Variants in VPS13B observed in about 807,000 individuals in gnomAD.
The protein encoded by VPS13B is vacuolar protein sorting 13 homolog B.
Under a neutral mutation model 426.4 loss-of-function variants are expected in VPS13B, and 285 were observed. The ratio of observed to expected loss-of-function variants is 0.67; its 90% CI spans 0.61 to 0.74. The LOEUF (loss-of-function observed/expected upper bound fraction) is 0.74, where lower values mean the gene tolerates loss of function less well. Ranked by LOEUF, VPS13B falls within the 30% of genes least tolerant of loss-of-function variation. The probability of loss-of-function intolerance (pLI) is 0.00; values close to 1 mark genes in which losing one functional copy is unlikely to be tolerated. For synonymous variants in VPS13B, 1,676 were observed against 1,676.4 expected (o/e 1.00, Z 0.01); for missense variants, 4,537 against 4,782.6 (o/e 0.95, Z 1.51).
In VPS13B at chr8:99,835,587, C is replaced by T. The variant is rs770901699; in HGVS notation, c.9791C>T (p.Ser3264Leu). The T allele has an allele frequency of 1.2e-6, 2 of 1,614,102 alleles. No homozygotes were observed. Among genetic ancestry groups the T allele is most frequent in the South Asian group, 2.2e-5 (2 of 91,072 alleles). Residue 3264 changes from serine to leucine, a missense_variant, in exon 54 of 62, where the codon TCA becomes TTA. Ser to Leu is a moderately radical substitution (Grantham distance 145). Coordinates refer to ENST00000357162, the MANE Select transcript of VPS13B (RefSeq NM_152564.5). Reference sequence around the variant, plus strand: ...TGCAAAAAAATTCCCTCCGAGTGCTCAATTCATCATGAGCTGTATCATCAG... The same window carrying T: ...TGCAAAAAAATTCCCTCCGAGTGCTTAATTCATCATGAGCTGTATCATCAG... ...VYCKKIPSECSIHHELYHQIS... is the reference protein window; with the variant it reads ...VYCKKIPSECLIHHELYHQIS...
Position 99,539,222 on chromosome 8 carries a change from G to A in VPS13B, c.4746-17228G>A, listed in dbSNP as rs1054560507. ...TTCACCATTAATTTGTAAATAATTGGCCTTTAAAAAATAGGTACAATAATT... is the reference window on the plus strand; with the variant it reads ...TTCACCATTAATTTGTAAATAATTGACCTTTAAAAAATAGGTACAATAATT... On this transcript the variant is annotated intron_variant, in intron 30 of 61. Transcript: ENST00000357162. 2.6e-5 allele frequency among the ~76,000 whole-genome samples: 4 copies of A among 152,004 alleles called. 1 individual carries two copies. The highest frequency in any genetic ancestry group is 2.6e-4 in the Admixed American group (4 of 15,258).
intron 17 of VPS13B, chr8:99,233,314 G>C: frequency 2.7e-6 from 3 of 1,099,344 alleles, no homozygotes; most frequent in Non-Finnish European, 4.2e-6. Flanking sequence ...TCTGATATGG[G>C]CTTCCAGCTT....
At chr8:99,233,255 C>T in intron 17 of VPS13B, 1 of 1,205,176 alleles carries the variant, frequency 8.3e-7, no homozygotes, top group Non-Finnish European at 1.2e-6. Context: ...AGTTCATTCA[C>T]AGTCTTGCCA....
rs939360552 is a variant in VPS13B at position 99,461,228 on chromosome 8, A to G, written c.3446-6186A>G. Among the ~76,000 whole-genome samples the G allele has an allele frequency of 2.6e-5, 4 of 152,108 alleles. No individual in the cohort carries two copies. In the East Asian group the frequency reaches 7.7e-4, roughly 29 times the overall value. ...ATCTCCTTAGATTGGCCCCATTACG[A>G]GTAAGGAAATGCAATGCATTATGAC... is the stretch of plus-strand genomic sequence containing the variant. On this transcript the variant is annotated intron_variant, in intron 23 of 61. Transcript: ENST00000357162.
At chr8:99,174,221 C>T (rs1280424242) in intron 16 of VPS13B, among the ~76,000 whole-genome samples, 1 of 152,170 alleles carries the variant, frequency 6.6e-6, no homozygotes, top group Non-Finnish European at 1.5e-5. Context: ...TTTTGTTTAT[C>T]CATTTATCCA....
At chr8:99,546,901 G>A (rs1162088863) in intron 30 of VPS13B, among the ~76,000 whole-genome samples, 4 of 151,914 alleles carry the variant, frequency 2.6e-5, no homozygotes, top group Non-Finnish European at 5.9e-5. Flanking sequence ...GTTTAATTTA[G>A]CCACAATTTA....
At chr8:99,594,406 A>G (rs147981852) in intron 33 of VPS13B, among the ~76,000 whole-genome samples, 99 of 151,950 alleles carry the variant, frequency 6.5e-4, no homozygotes, top group African/African-American at 2.4e-3. Flanking sequence ...TTTCTTAAGC[A>G]TTTTCCATAG....
chr8:99,328,461 T>C (rs1021803862), intron 19 of VPS13B, among the ~76,000 whole-genome samples: 2 of 152,104 alleles, frequency 1.3e-5, no homozygotes, highest in Non-Finnish European at 2.9e-5. Context: ...AAAACAGATA[T>C]GAAGTAGGGG....
rs996955912 is a variant in VPS13B, at chr8:99,696,869, G to A, written c.6047-2656G>A. The A allele has an allele frequency of 4.3e-5, 36 of 842,710 alleles. No individual in the cohort carries two copies. The East Asian group carries it at 4.9e-4, about 11-fold the overall frequency. 52.2% of individuals were successfully genotyped at this position (842,710 alleles called of 1,614,324 possible). ...CAAGCTGCTGGAGCTGCAGTCCATC[G>A]GCATCAACAACTTCTGCGGTTCCAG... On this transcript the variant is annotated intron_variant, in intron 35 of 61. Transcript: ENST00000357162.
chr8:99,556,452 G>A lies in VPS13B; in HGVS notation c.4748G>A (p.Arg1583Lys). The A allele has an allele frequency of 6.2e-7, 1 of 1,612,286 alleles. No individual in the cohort carries two copies. Among genetic ancestry groups the A allele is most frequent in the Non-Finnish European group, 8.5e-7 (1 of 1,179,358 alleles). ...TGTTTTTTTCGCTGCCTTTACAGGA[G>A]AGCCTTGAACTTAGGAATTCTTCGA... ...RSVLRKDIYQRALNLGILRDP... is the reference protein window; with the variant it reads ...RSVLRKDIYQKALNLGILRDP... The change falls in exon 31 of 62, where the codon AGA (arginine) becomes AAA (lysine). Residue 1583 changes from arginine to lysine, a missense_variant and splice_region_variant. Arg to Lys is a conservative substitution (Grantham distance 26). Around this residue, in one of 2 missense-constraint regions of VPS13B, gnomAD observed 4,311 missense variants for 4,474.3 expected, o/e 0.96. Coordinates refer to ENST00000357162, the MANE Select transcript of VPS13B (RefSeq NM_152564.5).
intron 8 of VPS13B, among the ~76,000 whole-genome samples, chr8:99,127,575 G>A (rs1848237152): frequency 6.6e-6 from 1 of 152,136 alleles, no homozygotes; most frequent in Non-Finnish European, 1.5e-5. Flanking sequence ...CCTCTAGGAT[G>A]CAGTCATTTC....
chr8:99,870,645 T>C (rs535204541), intron 59 of VPS13B, 140 bp from the exon 60 acceptor site: 3 of 733,642 alleles, frequency 4.1e-6, no homozygotes, highest in African/African-American at 1.7e-5. Context: ...AATGATTATC[T>C]ATACGCTTGC....
chr8:99,191,891 G>A (rs754382729), intron 16 of VPS13B, among the ~76,000 whole-genome samples: 15 of 152,082 alleles, frequency 9.9e-5, no homozygotes, highest in African/African-American at 1.9e-4. Flanking sequence ...CCATAGCAGC[G>A]GCCAGAATAT....
chr8:99,106,738 A>C (rs1847069680), intron 5 of VPS13B, among the ~76,000 whole-genome samples: 1 of 152,118 alleles, frequency 6.6e-6, no homozygotes, highest in African/African-American at 2.4e-5. Context: ...ATGTAAATGA[A>C]ATTTATTCAG....
intron 35 of VPS13B, among the ~76,000 whole-genome samples, chr8:99,686,520 C>T (rs1831411470): frequency 1.3e-5 from 2 of 152,142 alleles, no homozygotes; most frequent in South Asian, 2.1e-4. Flanking sequence ...TAGGAATCTA[C>T]TTGGTGCTCC....
intron 35 of VPS13B, among the ~76,000 whole-genome samples, chr8:99,665,375 A>G (rs1320529947): frequency 1.3e-5 from 2 of 152,086 alleles, no homozygotes; most frequent in Admixed American, 6.5e-5. Context: ...TTGGTGTTTT[A>G]GACATGAAGT....
At position 99,316,242 on chromosome 8, in the gene VPS13B, G is replaced by A. The variant is rs988421591; in HGVS notation, c.2824+40988G>A. On this transcript the variant is annotated intron_variant, in intron 19 of 61. Transcript: ENST00000357162. The stretch of plus-strand genomic sequence containing the variant: ...TTGCTTTGCTACTTGGAGTGGCAGG[G>A]CCACTGGCAATGGCTTTTGCTTTGG... 2.6e-5 allele frequency among the ~76,000 whole-genome samples: 4 copies of A among 152,312 alleles called. No homozygotes were observed. In the South Asian group the frequency reaches 6.2e-4, roughly 24 times the overall value.
In VPS13B at chr8:99,830,427, A is replaced by C. The variant is rs552778922; in HGVS notation, c.9331-1942A>C. ...GGGAGAAACCACCTACTCAAACCTC[A>C]GTAATGGTGGATGCCCCTCCTCCCA... is the stretch of plus-strand genomic sequence containing the variant. On this transcript the variant is annotated intron_variant, in intron 51 of 61. Transcript: ENST00000357162. Among the ~76,000 whole-genome samples, 5 of 152,290 alleles carry C rather than the reference A, an allele frequency of 3.3e-5. No individual in the cohort carries two copies. In the South Asian group the frequency reaches 1.0e-3, roughly 32 times the overall value.
intron 8 of VPS13B, among the ~76,000 whole-genome samples, chr8:99,133,335 G>A (rs1057104498): frequency 6.6e-6 from 1 of 152,144 alleles, no homozygotes; most frequent in Non-Finnish European, 1.5e-5. Context: ...TAAGGGTTAG[G>A]GCTTTACTCT....
Sources: gnomAD v4.1 joint callset for allele counts (sites outside exome capture counted in the v4.1 genomes callset) on GRCh38, gnomAD v4.1.1 for gene constraint, gnomAD v4.1.1 regional missense constraint, MANE v1.5 for transcripts, NCBI Gene and HGNC (gene_info 2026-07-23, HGNC 2026-07-21) for gene names.